C13orf46: variants seen among roughly 807,000 people sequenced by gnomAD.
C13orf46 encodes the protein chromosome 13 open reading frame 46.
At chr13:113,929,895 A>T in the C13orf46 span, among the ~76,000 whole-genome samples, 1 of 152,228 alleles carries the variant, frequency 6.6e-6, no homozygotes, top group African/African-American at 2.4e-5. Context: ...TCCCAGGCCT[A>T]CGACACTGTC....
At chr13:113,931,053 G>A in the C13orf46 span, among the ~76,000 whole-genome samples, 45 of 152,328 alleles carry the variant, frequency 3.0e-4, no homozygotes, top group African/African-American at 5.5e-4. Flanking sequence ...TTGTGTTCAC[G>A]TGTGTATTTG....
intron 2 of C13orf46, among the ~76,000 whole-genome samples, chr13:113,969,191 TCGTGA>T (rs1197969816): frequency 6.6e-6 from 1 of 152,226 alleles, no homozygotes; most frequent in Non-Finnish European, 1.5e-5. Flanking sequence ...CGCACCAACC[TCGTGA>T]CCCCTTCTGT....
chr13:113,929,150 G>C, the C13orf46 span, among the ~76,000 whole-genome samples: 1 of 152,272 alleles, frequency 6.6e-6, no homozygotes, highest in Admixed American at 6.5e-5. Flanking sequence ...GTGCGGCAGG[G>C]AAGCAGAGGC....
the C13orf46 span, among the ~76,000 whole-genome samples, chr13:113,931,470 A>AG: frequency 6.6e-6 from 1 of 152,130 alleles, no homozygotes; most frequent in African/African-American, 2.4e-5. Flanking sequence ...GCCAAGTGGA[A>AG]GGGAGTACAC....
intron 6 of C13orf46, among the ~76,000 whole-genome samples, chr13:113,961,904 T>C (rs2052589899): frequency 1.3e-5 from 2 of 151,000 alleles, no homozygotes; most frequent in East Asian, 2.0e-4. Context: ...CTATGAACTG[T>C]GCAGAGCTAT....
chr13:113,945,674 A>AAAGAGGG, the C13orf46 span, among the ~76,000 whole-genome samples: 23 of 137,838 alleles, frequency 1.7e-4, 1 homozygote, highest in African/African-American at 5.8e-4. Context: ...GAAAGAAAGG[A>AAAGAGGG]AAGAAAAACA....
the C13orf46 span, among the ~76,000 whole-genome samples, chr13:113,929,101 G>A: frequency 3.9e-5 from 6 of 152,238 alleles, no homozygotes; most frequent in African/African-American, 1.2e-4. Flanking sequence ...CCTGCCCTGC[G>A]GTCTGGCCTC....
chr13:113,971,706 G>A (rs1187272827), intron 1 of C13orf46, among the ~76,000 whole-genome samples: 4 of 152,130 alleles, frequency 2.6e-5, no homozygotes, highest in African/African-American at 7.2e-5. Context: ...TCACACATCC[G>A]GGCACCTGTG....
At chr13:113,949,245 C>T (rs1018673889), downstream of C13orf46, among the ~76,000 whole-genome samples, 308 of 152,342 alleles carry the variant, frequency 2.0e-3, 1 homozygote, top group African/African-American at 7.2e-3. Flanking sequence ...TCATGGGTTT[C>T]CTTCATAATA....
downstream of C13orf46, among the ~76,000 whole-genome samples, chr13:113,949,333 A>G (rs915490272): frequency 3.9e-5 from 6 of 152,198 alleles, no homozygotes; most frequent in African/African-American, 1.4e-4. Context: ...AAGTTCCCCA[A>G]ATCTGCAGTT....
downstream of C13orf46, among the ~76,000 whole-genome samples, chr13:113,949,114 C>G (rs1036172229): frequency 2.0e-5 from 3 of 152,202 alleles, no homozygotes; most frequent in African/African-American, 7.2e-5. Context: ...ATCAATCATA[C>G]CTGTGTAATG....
At position 113,955,336 on chromosome 13, in the gene C13orf46, G is replaced by T. The variant is rs1488881325; in HGVS notation, c.*1437C>A. ...AGGAGTAGTATCTGGTGGAGAGGAGGAGTAGTATCTGGTGGAGAGGAGGAG... is the reference window on the plus strand; with the variant it reads ...AGGAGTAGTATCTGGTGGAGAGGAGTAGTAGTATCTGGTGGAGAGGAGGAG... On this transcript the variant is annotated 3_prime_UTR_variant, in exon 7 of 7. Transcript: ENST00000636427. 2,592 of 176,356 alleles carry T rather than the reference G, an allele frequency of 0.015. 117 individuals are homozygous for T. The highest frequency in any genetic ancestry group is 0.061 in the African/African-American group (2,393 of 39,484). The allele number at this position is 176,356 out of a possible 1,614,324, so 10.9% of individuals were successfully genotyped here. A position where few individuals can be genotyped will look rare whatever the true frequency, so the allele number is the denominator to read the frequency against.
In C13orf46 at chr13:113,956,003, G is replaced by T. The variant is rs1404033860; in HGVS notation, c.*770C>A. 69 of 159,070 alleles carry T rather than the reference G, an allele frequency of 4.3e-4. 2 individuals are homozygous for T. The highest frequency in any genetic ancestry group is 8.7e-4 in the Non-Finnish European group (64 of 73,320). The allele number at this position is 159,070 out of a possible 1,614,324, so 9.9% of individuals were successfully genotyped here. A position where few individuals can be genotyped will look rare whatever the true frequency, so the allele number is the denominator to read the frequency against. ...AGGAGTAGGATCTGGCAGAGAGGAG[G>T]AGTAGGATCTGGCGGAGAGGAGGAG... On this transcript the variant is annotated 3_prime_UTR_variant, in exon 7 of 7. Coordinates refer to ENST00000636427, the MANE Select transcript of C13orf46 (RefSeq NM_001365455.2).
the C13orf46 span, among the ~76,000 whole-genome samples, chr13:113,947,794 AC>A: frequency 6.6e-6 from 1 of 151,968 alleles, no homozygotes; most frequent in Non-Finnish European, 1.5e-5. Flanking sequence ...ACACAGGCTG[AC>A]CCCGTGACAC....
chr13:113,944,370 A>G, the C13orf46 span, among the ~76,000 whole-genome samples: 1 of 152,288 alleles, frequency 6.6e-6, no homozygotes, highest in South Asian at 2.1e-4. Context: ...GCCTGCCAGG[A>G]CCAGGTGCCA....
chr13:113,926,786 T>A, the C13orf46 span: 1 of 151,564 alleles, frequency 6.6e-6, no homozygotes, highest in African/African-American at 2.4e-5. Flanking sequence ...TTTAGAGGGT[T>A]ATGCCCATGA....
At chr13:113,971,526 C>T (rs1358704070) in intron 1 of C13orf46, among the ~76,000 whole-genome samples, 1 of 152,232 alleles carries the variant, frequency 6.6e-6, no homozygotes, top group Non-Finnish European at 1.5e-5. Context: ...TGGAACCCAG[C>T]GGATTCTCAC....
intron 1 of C13orf46, among the ~76,000 whole-genome samples, chr13:113,970,607 A>G (rs1195200375): frequency 6.6e-6 from 1 of 152,138 alleles, no homozygotes; most frequent in African/African-American, 2.4e-5. Context: ...GGGTGGGAGA[A>G]GCCCACAAGA....
At chr13:113,942,826 T>C in the C13orf46 span, among the ~76,000 whole-genome samples, 5 of 152,178 alleles carry the variant, frequency 3.3e-5, no homozygotes, top group Admixed American at 1.3e-4. Context: ...GGGACACAGG[T>C]CCTCTGGCGT....
Sources: allele counts gnomAD v4.1 joint callset (sites outside exome capture counted in the v4.1 genomes callset), GRCh38; gene constraint gnomAD v4.1.1; transcripts MANE v1.5; gene names NCBI Gene and HGNC (gene_info 2026-07-23, HGNC 2026-07-21).